The following IGDCC4 variants were observed in gnomAD, a reference collection of about 807,000 sequenced individuals.
IGDCC4 encodes likely ortholog of mouse neighbor of Punc E11.
Under a neutral mutation model 116.6 loss-of-function variants are expected in IGDCC4, and 72 were observed. That is an observed-to-expected ratio of 0.62 (90% CI 0.51 to 0.75). The LOEUF (loss-of-function observed/expected upper bound fraction) is 0.75. Among genes scored for constraint, IGDCC4 ranks in the 30% least tolerant of loss-of-function variants. IGDCC4 has a pLI of 0.00. For missense variants in IGDCC4, 1,501 were observed against 1,662.4 expected, an observed-to-expected ratio of 0.90 and a Z score of 1.69; for synonymous variants, 709 against 719.9, an observed-to-expected ratio of 0.98 and a Z score of 0.24.
chr15:65,416,645 G>T (rs1167766068), intron 1 of IGDCC4, among the ~76,000 whole-genome samples: 1 of 152,002 alleles, frequency 6.6e-6, no homozygotes, highest in East Asian at 1.9e-4. Flanking sequence ...CTCCCTCTCA[G>T]TGCCGGGGTG....
intron 3 of IGDCC4, among the ~76,000 whole-genome samples, chr15:65,407,290 A>G (rs74590602): frequency 1.1e-5 from 1 of 89,070 alleles, no homozygotes; most frequent in Non-Finnish European, 2.4e-5. Flanking sequence ...TTTGTTTTTG[A>G]AAAAAAAAAA....
intron 1 of IGDCC4, among the ~76,000 whole-genome samples, chr15:65,421,727 T>TC (rs2063192903): frequency 1.2e-5 from 1 of 80,030 alleles, no homozygotes; most frequent in Admixed American, 1.4e-4. Flanking sequence ...CATCCTCAGC[T>TC]CCCCCCTCCG....
At chr15:65,422,519 AACAC>A (rs140587709) in intron 1 of IGDCC4, among the ~76,000 whole-genome samples, 4,036 of 131,264 alleles carry the variant, frequency 0.031, 226 homozygotes, top group Admixed American at 0.15. Flanking sequence ...GAGCACTCCC[AACAC>A]ACACACACAC....
chr15:65,410,606 T>A, intron 2 of IGDCC4: 1 of 502,544 alleles, frequency 2.0e-6, no homozygotes, highest in East Asian at 3.6e-5. Flanking sequence ...TTCATGGTGA[T>A]CTGTGCCTCC....
At chr15:65,405,655 CATAT>C (rs959138096) in intron 3 of IGDCC4, among the ~76,000 whole-genome samples, 2 of 152,138 alleles carry the variant, frequency 1.3e-5, no homozygotes, top group Non-Finnish European at 2.9e-5. Flanking sequence ...TGGTGTAACC[CATAT>C]ACGTATTTCA....
At chr15:65,409,465 T>C (rs2063069068) in intron 3 of IGDCC4, among the ~76,000 whole-genome samples, 1 of 152,118 alleles carries the variant, frequency 6.6e-6, no homozygotes, top group African/African-American at 2.4e-5. Flanking sequence ...CAGGGGGTGA[T>C]GACTGAGTCA....
At chr15:65,405,971 C>G (rs1003782688) in intron 3 of IGDCC4, among the ~76,000 whole-genome samples, 1 of 152,160 alleles carries the variant, frequency 6.6e-6, no homozygotes, top group Non-Finnish European at 1.5e-5. Flanking sequence ...CAAGGAGCCC[C>G]CACCCTAAGC....
At position 65,395,745 on chromosome 15, in the gene IGDCC4, C is replaced by T. The variant is rs1283790759; in HGVS notation, c.1411+5G>A. The T allele has an allele frequency of 1.4e-6, 2 of 1,437,416 alleles. No homozygotes were observed. Among genetic ancestry groups the T allele is most frequent in the Non-Finnish European group, 1.8e-6 (2 of 1,088,860 alleles). The allele number at this position is 1,437,416 out of a possible 1,614,324, so 89.0% of individuals were successfully genotyped here. On this transcript the variant is annotated splice_donor_5th_base_variant and intron_variant, in intron 7 of 19. Coordinates refer to ENST00000352385, the MANE Select transcript of IGDCC4 (RefSeq NM_020962.3). ...GCTGGTGCATCCCGCCCCAGGCCGA[C>T]GTACCCCGTGCCTTCTGGTAGTGGA...
In IGDCC4 at chr15:65,393,355, C is replaced by T. The variant is rs1366441798; in HGVS notation, c.1885+6G>A. On this transcript the variant is annotated splice_donor_region_variant and intron_variant, in intron 10 of 19. Coordinates refer to ENST00000352385, the MANE Select transcript of IGDCC4 (RefSeq NM_020962.3). The surrounding 1 kb of genome is among the most constrained non-coding windows in gnomAD (Gnocchi z 4.6). ...ACACTGTCCTGTCTCTCCTCTAACC[C>T]CGTACCATGGCTCTGGTTGTGCATA... 1 of 1,607,036 alleles carries T rather than the reference C, an allele frequency of 6.2e-7. No individual in the cohort carries two copies. The highest frequency in any genetic ancestry group is 1.7e-5 in the Admixed American group (1 of 59,602).
intron 11 of IGDCC4, 25 bp downstream of exon 11, chr15:65,392,109 T>TCCCCCCCCCC: frequency 8.8e-7 from 1 of 1,136,526 alleles, no homozygotes; most frequent in Non-Finnish European, 1.3e-6. Flanking sequence ...CATCCCTCCC[T>TCCCCCCCCCC]CCCCCTCCCC....
intron 1 of IGDCC4, among the ~76,000 whole-genome samples, chr15:65,414,904 G>C (rs546307744): frequency 4.3e-4 from 65 of 152,316 alleles, no homozygotes; most frequent in African/African-American, 1.5e-3. Context: ...GGCTCTGGAA[G>C]ATCACGCCTT....
chr15:65,396,856 T>C lies in IGDCC4; in HGVS notation c.975A>G (p.Ala325=). The part of the protein sequence containing the change: ...NKPRTRDFAT[A]AAELRVLAAP... Reference sequence around the variant, plus strand: ...CACCCAGCACACGGAGCTCAGCGGCTGCAGTGGCGAAGTCGCGCGTGCGGG... The same window carrying C: ...CACCCAGCACACGGAGCTCAGCGGCCGCAGTGGCGAAGTCGCGCGTGCGGG... Residue 325 remains alanine (A), a synonymous_variant, in exon 6 of 20, where the codon GCA becomes GCG. Coordinates refer to ENST00000352385, the MANE Select transcript of IGDCC4 (RefSeq NM_020962.3). 6.3e-7 allele frequency: 1 copy of C among 1,575,702 alleles called. No individual in the cohort carries two copies. The highest frequency in any genetic ancestry group is 1.2e-5 in the South Asian group (1 of 85,926).
In IGDCC4 at chr15:65,413,372, T is replaced by C. The variant is rs552798549; in HGVS notation, c.71-2002A>G. Reference sequence around the variant, plus strand: ...CCATGCAGGAGGCCAGAGCCAGGACTCAGGTCTCCTGACTCAATCCAGGGT... The same window carrying C: ...CCATGCAGGAGGCCAGAGCCAGGACCCAGGTCTCCTGACTCAATCCAGGGT... On this transcript the variant is annotated intron_variant, in intron 1 of 19. Transcript: ENST00000352385. 2.0e-4 allele frequency among the ~76,000 whole-genome samples: 31 copies of C among 152,168 alleles called. No individual in the cohort carries two copies. In the East Asian group the frequency reaches 3.9e-3, roughly 19 times the overall value.
intron 16 of IGDCC4, 52 bp from the exon 17 acceptor site, chr15:65,386,708 G>T: frequency 7.1e-7 from 1 of 1,415,086 alleles, no homozygotes; most frequent in East Asian, 2.3e-5. Flanking sequence ...GAAGGGCACA[G>T]GGCATAGATC....
intron 3 of IGDCC4, among the ~76,000 whole-genome samples, chr15:65,404,748 A>G (rs2063024341): frequency 6.6e-6 from 1 of 152,214 alleles, no homozygotes; most frequent in African/African-American, 2.4e-5. Flanking sequence ...GCTGCAGCCA[A>G]TAGAGGCAAG....
chr15:65,394,508 G>C lies in IGDCC4; in HGVS notation c.1617C>G (p.Asn539Lys), dbSNP rs1595781043. The C allele has an allele frequency of 3.7e-6, 6 of 1,612,784 alleles. No individual in the cohort carries two copies. Among genetic ancestry groups the C allele is most frequent in the Non-Finnish European group, 5.1e-6 (6 of 1,179,210 alleles). ...GCCACGCCACCCTGATGTCCGAAGG[G>C]TTGGGGCTGGACAGGGAGAGCTGGG... ...AAPQLSLSSP[N>K]PSDIRVAWLP... Residue 539 changes from asparagine (N) to lysine (K), a missense_variant, in exon 9 of 20, where the codon AAC (asparagine) becomes AAG (lysine). Coordinates refer to ENST00000352385, the MANE Select transcript of IGDCC4 (RefSeq NM_020962.3).
At position 65,391,867 on chromosome 15, in the gene IGDCC4, C is replaced by T; in HGVS notation, c.2224+13G>A. Reference sequence around the variant, plus strand: ...CCTGAGCCCTCCCCGCCTTCTTCCCCCACCGCCCTCACCTGGTGCCGGCGC... The same window carrying T: ...CCTGAGCCCTCCCCGCCTTCTTCCCTCACCGCCCTCACCTGGTGCCGGCGC... On this transcript the variant is annotated intron_variant, in intron 12 of 19. Coordinates refer to ENST00000352385, the MANE Select transcript of IGDCC4 (RefSeq NM_020962.3). 6.2e-7 allele frequency: 1 copy of T among 1,611,058 alleles called. No individual in the cohort carries two copies. The highest frequency in any genetic ancestry group is 1.3e-5 in the African/African-American group (1 of 74,966).
rs966005045 is a variant in IGDCC4 at position 65,407,925 on chromosome 15, C to T, written c.563+2253G>A. On this transcript the variant is annotated intron_variant, in intron 3 of 19. Coordinates refer to ENST00000352385, the MANE Select transcript of IGDCC4 (RefSeq NM_020962.3). Reference sequence around the variant, plus strand: ...CTGGGATTACAGGCGTGAGCCACCGCGCCCGGCCTAAGTTTTGTATTTTTT... The same window carrying T: ...CTGGGATTACAGGCGTGAGCCACCGTGCCCGGCCTAAGTTTTGTATTTTTT... Among the ~76,000 whole-genome samples, 7 of 151,978 alleles carry T rather than the reference C, an allele frequency of 4.6e-5. No individual in the cohort carries two copies. In the South Asian group the frequency reaches 8.3e-4, roughly 18 times the overall value.
At chr15:65,394,317 G>C (rs766411816) in intron 9 of IGDCC4, 94 bp downstream of exon 9, 1 of 1,564,094 alleles carries the variant, frequency 6.4e-7, no homozygotes, top group Non-Finnish European at 8.6e-7. Flanking sequence ...CCTTTCCTCC[G>C]ACTCCCGTAC....
Sources: gnomAD v4.1 joint callset for allele counts (sites outside exome capture counted in the v4.1 genomes callset) on GRCh38, gnomAD v4.1.1 for gene constraint, Gnocchi (gnomAD v3.1) non-coding constraint, MANE v1.5 for transcripts, NCBI Gene and HGNC (gene_info 2026-07-23, HGNC 2026-07-21) for gene names.